Variants in PLPPR5 observed in about 807,000 individuals in gnomAD.
PLPPR5 encodes phospholipid phosphatase related 5, also known as phospholipid phosphatase-related protein type 5.
In PLPPR5, 16 loss-of-function variants were observed where a neutral mutation model predicts 33.9. The ratio of observed to expected loss-of-function variants is 0.47; its 90% CI spans 0.32 to 0.72. The LOEUF is 0.72. PLPPR5 is among the 30% of genes least tolerant of loss of function. The pLI is 0.03. For synonymous variants in PLPPR5, 163 were observed against 150.3 expected (o/e 1.08, Z -0.62); for missense variants, 301 against 406.7 (o/e 0.74, Z 2.23).
In PLPPR5 at chr1:98,976,714, TA is replaced by T. The variant is rs930327233; in HGVS notation, c.238-19974del. On this transcript the variant is annotated intron_variant, in intron 1 of 5. Coordinates refer to ENST00000263177, the MANE Select transcript of PLPPR5 (RefSeq NM_001037317.2). Reference sequence around the variant, plus strand: ...AAAAACGATAACTTATTAATAAAAATAAAAAATAACTTATTAATAAGTGTGT... The same window carrying T: ...AAAAACGATAACTTATTAATAAAAATAAAAATAACTTATTAATAAGTGTGT... 4.6e-5 allele frequency among the ~76,000 whole-genome samples: 7 copies of T among 152,132 alleles called. No individual in the cohort carries two copies. The East Asian group carries it at 5.8e-4, about 13-fold the overall frequency.
At chr1:98,951,638 G>A (rs765568208) in intron 3 of PLPPR5, among the ~76,000 whole-genome samples, 35 of 152,078 alleles carry the variant, frequency 2.3e-4, no homozygotes, top group Non-Finnish European at 4.6e-4. Context: ...AAATTATCCT[G>A]CCATTGTAAA....
At chr1:98,987,000 G>T (rs1225601479) in intron 1 of PLPPR5, among the ~76,000 whole-genome samples, 1 of 151,654 alleles carries the variant, frequency 6.6e-6, no homozygotes, top group Non-Finnish European at 1.5e-5. Context: ...AAAGAGCTAA[G>T]GTTTTCCGAC....
chr1:98,934,138 T>A (rs1553168139), intron 3 of PLPPR5, among the ~76,000 whole-genome samples: 1 of 152,120 alleles, frequency 6.6e-6, no homozygotes, highest in Non-Finnish European at 1.5e-5. Flanking sequence ...TAAATGTCCA[T>A]GGGAATGTGG....
At chr1:98,910,081 A>G (rs965378293) in intron 5 of PLPPR5, among the ~76,000 whole-genome samples, 1 of 152,242 alleles carries the variant, frequency 6.6e-6, no homozygotes, top group Admixed American at 6.5e-5. Flanking sequence ...TTTATCAAAC[A>G]TGTACTTTGA....
At chr1:98,939,968 T>C (rs1008941334) in intron 3 of PLPPR5, among the ~76,000 whole-genome samples, 3 of 151,822 alleles carry the variant, frequency 2.0e-5, no homozygotes, top group Admixed American at 1.3e-4. Flanking sequence ...CGGGTGATTA[T>C]GGAGGTTGGA....
intron 3 of PLPPR5, among the ~76,000 whole-genome samples, chr1:98,935,218 A>G (rs917854604): frequency 2.6e-5 from 4 of 152,214 alleles, no homozygotes; most frequent in Non-Finnish European, 2.9e-5. Flanking sequence ...ACAGGACCTG[A>G]ATCAGGTCAC....
intron 1 of PLPPR5, among the ~76,000 whole-genome samples, chr1:98,962,179 T>TAAA (rs1651273085): frequency 3.9e-5 from 6 of 152,220 alleles, no homozygotes; most frequent in African/African-American, 1.4e-4. Context: ...CATCAATTGC[T>TAAA]TTTATTTATA....
At chr1:98,969,183 G>T (rs532377271) in intron 1 of PLPPR5, among the ~76,000 whole-genome samples, 2 of 147,874 alleles carry the variant, frequency 1.4e-5, no homozygotes, top group African/African-American at 2.5e-5. Flanking sequence ...CAGGGAACAC[G>T]CAAAAGTAAA....
intron 5 of PLPPR5, among the ~76,000 whole-genome samples, chr1:98,913,702 G>A (rs576780571): frequency 6.6e-6 from 1 of 152,274 alleles, no homozygotes; most frequent in East Asian, 1.9e-4. Context: ...CAGAACACCT[G>A]ATTAGTGTGT....
At chr1:98,988,141 T>C (rs1652323120) in intron 1 of PLPPR5, among the ~76,000 whole-genome samples, 1 of 152,108 alleles carries the variant, frequency 6.6e-6, no homozygotes, top group South Asian at 2.1e-4. Flanking sequence ...AATCTGTATG[T>C]ACTGCAGGTC....
chr1:98,964,991 TTG>T (rs1491080006), intron 1 of PLPPR5, among the ~76,000 whole-genome samples: 44 of 150,096 alleles, frequency 2.9e-4, no homozygotes, highest in African/African-American at 9.4e-4. Flanking sequence ...TTTTTTTTTT[TTG>T]GTAGAGATGG....
At chr1:98,968,779 G>T (rs1651543318) in intron 1 of PLPPR5, among the ~76,000 whole-genome samples, 1 of 151,874 alleles carries the variant, frequency 6.6e-6, no homozygotes, top group Non-Finnish European at 1.5e-5. Flanking sequence ...CCCCATGATG[G>T]CATCATTTTA....
intron 5 of PLPPR5, among the ~76,000 whole-genome samples, chr1:98,910,402 T>C (rs900842815): frequency 3.3e-5 from 5 of 152,152 alleles, no homozygotes; most frequent in African/African-American, 1.2e-4. Context: ...CTCTTGGAAA[T>C]GAAGTTTAAG....
intron 2 of PLPPR5, among the ~76,000 whole-genome samples, chr1:98,954,987 G>A (rs1650948654): frequency 6.6e-6 from 1 of 151,978 alleles, no homozygotes; most frequent in African/African-American, 2.4e-5. Context: ...TAAAATGTCA[G>A]TGCATCAGCC....
chr1:98,897,384 G>A lies in PLPPR5; in HGVS notation c.934-4280C>T, dbSNP rs547303906. Among the ~76,000 whole-genome samples the A allele has an allele frequency of 2.2e-4, 34 of 152,194 alleles. 1 individual carries two copies. The highest frequency in any genetic ancestry group is 6.8e-3 in the Middle Eastern group (2 of 294). On this transcript the variant is annotated intron_variant, in intron 5 of 5. Transcript: ENST00000263177. ...GACCATTCTCAACAGGTTGATTTTG[G>A]CACACCTACAAAATGTGTTTTACAT...
Position 98,892,852 on chromosome 1 carries a change from T to G in PLPPR5, c.*220A>C. The stretch of plus-strand genomic sequence containing the variant: ...TGAACACCTACTTTGTGCTAGGCTT[T>G]GTTGTAAGTGCTGGGGACACAGAAA... On this transcript the variant is annotated 3_prime_UTR_variant, in exon 6 of 6. Transcript: ENST00000263177. The G allele has an allele frequency of 2.1e-6, 1 of 472,990 alleles. No individual in the cohort carries two copies. The highest frequency in any genetic ancestry group is 3.5e-5 in the South Asian group (1 of 28,270). 29.3% of individuals were successfully genotyped at this position (472,990 alleles called of 1,614,324 possible).
chr1:98,987,421 T>G (rs1576346), intron 1 of PLPPR5, among the ~76,000 whole-genome samples: 10,630 of 151,940 alleles, frequency 0.07, 510 homozygotes, highest in Non-Finnish European at 0.096. Context: ...TAGTCATAAT[T>G]TTGGTTTTTA....
intron 4 of PLPPR5, among the ~76,000 whole-genome samples, chr1:98,916,589 A>AGGG (rs1412209984): frequency 6.6e-6 from 1 of 152,232 alleles, no homozygotes; most frequent in East Asian, 1.9e-4. Context: ...ACAGTTTATA[A>AGGG]ACAAATGGGA....
At chr1:98,997,178 T>G (rs977655726) in intron 1 of PLPPR5, among the ~76,000 whole-genome samples, 25 of 152,190 alleles carry the variant, frequency 1.6e-4, no homozygotes, top group Non-Finnish European at 2.4e-4. Context: ...TATCAAGCAC[T>G]TAGTGCATGT....
Sources: allele counts gnomAD v4.1 joint callset (sites outside exome capture counted in the v4.1 genomes callset), GRCh38; gene constraint gnomAD v4.1.1; transcripts MANE v1.5; gene names NCBI Gene and HGNC (gene_info 2026-07-23, HGNC 2026-07-21).